Variants in LCORL observed in about 807,000 individuals in gnomAD.
LCORL encodes the protein ligand-dependent nuclear receptor corepressor-like protein.
A neutral mutation model predicts 141.8 loss-of-function variants in LCORL; 41 were observed. That is an observed-to-expected ratio of 0.29 (90% CI 0.23 to 0.38). The LOEUF (loss-of-function observed/expected upper bound fraction) is 0.38. Among genes scored for constraint, LCORL ranks in the 10% least tolerant of loss-of-function variants. LCORL has a pLI of 1.00. For missense variants in LCORL, 1,759 were observed against 2,035.0 expected (o/e 0.86, Z 2.61); for synonymous variants, 618 against 694.1 (o/e 0.89, Z 1.72).
intron 1 of LCORL, among the ~76,000 whole-genome samples, chr4:17,995,493 C>G (rs752820904): frequency 6.6e-6 from 1 of 152,064 alleles, no homozygotes; most frequent in South Asian, 2.1e-4. Flanking sequence ...ATTAAAGAAA[C>G]CGGATCAATG....
chr4:17,871,679 T>A (rs923375900), intron 7 of LCORL, among the ~76,000 whole-genome samples: 3 of 151,912 alleles, frequency 2.0e-5, no homozygotes, highest in African/African-American at 7.2e-5. Flanking sequence ...TTCATGACAG[T>A]CTTTAAGAAT....
chr4:17,842,188 G>A, exon 8 of LCORL: 1 of 733,634 alleles, frequency 1.4e-6, no homozygotes, highest in Non-Finnish European at 2.3e-6. Flanking sequence ...GAACAAGTAG[G>A]AGATACATGT....
At chr4:18,017,395 TA>T (rs1189097673) in intron 1 of LCORL, among the ~76,000 whole-genome samples, 5 of 152,090 alleles carry the variant, frequency 3.3e-5, no homozygotes, top group Admixed American at 6.5e-5. Flanking sequence ...TACAATGAGA[TA>T]AATAATAACT....
At chr4:17,844,314 A>T (rs755300836) in exon 8 of LCORL, 4 of 152,340 alleles carry the variant, frequency 2.6e-5, no homozygotes, top group Non-Finnish European at 5.9e-5. Flanking sequence ...TTTCTGCAAT[A>T]CCCAACGAAA....
exon 8 of LCORL, chr4:17,845,703 T>G: frequency 6.3e-7 from 1 of 1,582,204 alleles, no homozygotes; most frequent in South Asian, 1.1e-5. Flanking sequence ...ATAAAGATAG[T>G]GCAAGAAGAA....
chr4:18,013,503 C>T (rs1488056897), intron 1 of LCORL, among the ~76,000 whole-genome samples: 1 of 152,138 alleles, frequency 6.6e-6, no homozygotes, highest in African/African-American at 2.4e-5. Context: ...CATTTGAGGA[C>T]AGATATTATC....
At chr4:17,987,937 T>C (rs1719292307) in intron 1 of LCORL, among the ~76,000 whole-genome samples, 1 of 152,200 alleles carries the variant, frequency 6.6e-6, no homozygotes, top group African/African-American at 2.4e-5. Context: ...GGATTGTCTT[T>C]TTCTTGATAC....
At chr4:17,917,122 G>A (rs890549389) in intron 4 of LCORL, among the ~76,000 whole-genome samples, 1 of 151,876 alleles carries the variant, frequency 6.6e-6, no homozygotes, top group African/African-American at 2.4e-5. Context: ...TTACAGACAT[G>A]TGCTACTGCG....
rs368801179 is a variant in LCORL at position 17,975,000 on chromosome 4, T to C, written c.155-2115A>G. Among the ~76,000 whole-genome samples, 55 of 152,266 alleles carry C rather than the reference T, an allele frequency of 3.6e-4. 2 individuals carry two copies. The South Asian group carries it at 0.011, about 31-fold the overall frequency. ...TACTTGACTAAAAATTGAGTAATTT[T>C]ATTGATCTTTTTACAAAAGATCAAT... is the stretch of plus-strand genomic sequence containing the variant. On this transcript the variant is annotated intron_variant, in intron 1 of 7. Coordinates refer to ENST00000635767, the Ensembl canonical transcript of LCORL.
intron 2 of LCORL, among the ~76,000 whole-genome samples, chr4:17,972,292 CAAATA>C (rs1716120563): frequency 6.6e-6 from 1 of 151,880 alleles, no homozygotes; most frequent in East Asian, 1.9e-4. Flanking sequence ...CTAACAAAAA[CAAATA>C]AAAGGAGTCA....
At chr4:17,988,972 A>G (rs1000320433) in intron 1 of LCORL, among the ~76,000 whole-genome samples, 2 of 152,240 alleles carry the variant, frequency 1.3e-5, no homozygotes, top group African/African-American at 4.8e-5. Context: ...GGACAGAGTG[A>G]GACTCCATCT....
intron 7 of LCORL, among the ~76,000 whole-genome samples, chr4:17,868,383 T>G (rs192907439): frequency 3.7e-4 from 57 of 152,224 alleles, no homozygotes; most frequent in Non-Finnish European, 6.6e-4. Flanking sequence ...ATGGGAAAAT[T>G]TAATGTTTTA....
exon 7 of LCORL, chr4:17,875,145 T>G: frequency 1.6e-6 from 2 of 1,232,890 alleles, no homozygotes; most frequent in East Asian, 3.2e-5. Context: ...ATTATCCTGT[T>G]CTAAAGGAGG....
At chr4:17,891,217 A>G (rs1338654314) in intron 5 of LCORL, among the ~76,000 whole-genome samples, 2 of 152,152 alleles carry the variant, frequency 1.3e-5, no homozygotes, top group Non-Finnish European at 2.9e-5. Context: ...AGGTTTATTA[A>G]TGTGCAAATT....
exon 8 of LCORL, chr4:17,843,148 TGACA>T: frequency 2.7e-6 from 2 of 747,742 alleles, no homozygotes; most frequent in Non-Finnish European, 4.2e-6. Context: ...AGTGTTTTTT[TGACA>T]TTGAGATTTT....
chr4:17,896,255 CTTTCT>C (rs1729904386), intron 5 of LCORL, among the ~76,000 whole-genome samples: 1 of 152,040 alleles, frequency 6.6e-6, no homozygotes, highest in Non-Finnish European at 1.5e-5. Context: ...GTCTTTCTTT[CTTTCT>C]TTTCTCCTCT....
At chr4:17,874,581 T>G in exon 7 of LCORL, 1 of 1,233,770 alleles carries the variant, frequency 8.1e-7, no homozygotes, top group Non-Finnish European at 1.0e-6. Flanking sequence ...ATGATCATTT[T>G]CAATGTGTTC....
chr4:17,967,726 A>G (rs1715182917), intron 2 of LCORL, among the ~76,000 whole-genome samples: 1 of 152,224 alleles, frequency 6.6e-6, no homozygotes, highest in Non-Finnish European at 1.5e-5. Flanking sequence ...TTTGTATTAC[A>G]AGCATTATGA....
intron 4 of LCORL, among the ~76,000 whole-genome samples, chr4:17,932,527 T>C (rs536775563): frequency 1.3e-5 from 2 of 152,150 alleles, no homozygotes; most frequent in Non-Finnish European, 2.9e-5. Context: ...TCCTACTTCA[T>C]TTCCCACTCT....
Sources: gnomAD v4.1 joint callset for allele counts (sites outside exome capture counted in the v4.1 genomes callset) on GRCh38, gnomAD v4.1.1 for gene constraint, MANE v1.5 for transcripts, NCBI Gene and HGNC (gene_info 2026-07-23, HGNC 2026-07-21) for gene names.